Variants in KIAA1328 observed in about 807,000 individuals in gnomAD.
KIAA1328 encodes the protein protein hinderin.
Under a neutral mutation model 68.1 loss-of-function variants are expected in KIAA1328, and 52 were observed. That is an observed-to-expected ratio of 0.76 (90% confidence interval 0.61 to 0.96). KIAA1328 has a LOEUF of 0.96. KIAA1328 is among the 40% of genes least tolerant of loss of function. The probability of loss-of-function intolerance (pLI) is 0.00; values close to 1 mark genes in which losing one functional copy is unlikely to be tolerated. For synonymous variants in KIAA1328, 232 were observed against 239.4 expected (o/e 0.97, Z 0.28); for missense variants, 641 against 677.6 (o/e 0.95, Z 0.60).
intron 7 of KIAA1328, among the ~76,000 whole-genome samples, chr18:37,089,952 T>A (rs2057222117): frequency 6.6e-6 from 1 of 152,352 alleles, no homozygotes; most frequent in South Asian, 2.1e-4. Flanking sequence ...GATAATTATC[T>A]TCCAATGGTT....
chr18:37,223,795 T>A lies in KIAA1328; in HGVS notation c.*1568T>A. ...TGTCTCTTCAGGCTGAGACTGGCGC[T>A]GTCACCTCCACCCAGCCTTCTTTCA... is the stretch of plus-strand genomic sequence containing the variant. On this transcript the variant is annotated 3_prime_UTR_variant, in exon 10 of 10. Transcript: ENST00000280020. 1.0e-6 allele frequency: 1 copy of A among 985,408 alleles called. No homozygotes were observed. The highest frequency in any genetic ancestry group is 1.2e-6 in the Non-Finnish European group (1 of 829,906). The allele number at this position is 985,408 out of a possible 1,614,324, so 61.0% of individuals were successfully genotyped here.
At chr18:36,910,173 G>A (rs546992520) in intron 5 of KIAA1328, among the ~76,000 whole-genome samples, 3 of 152,170 alleles carry the variant, frequency 2.0e-5, no homozygotes, top group Admixed American at 2.0e-4. Flanking sequence ...TGCTTTTGGT[G>A]TTTTCGACAT....
At chr18:37,069,165 A>T (rs564665524) in intron 7 of KIAA1328, among the ~76,000 whole-genome samples, 2 of 152,266 alleles carry the variant, frequency 1.3e-5, no homozygotes, top group East Asian at 3.9e-4. Flanking sequence ...CCAGCCTTGC[A>T]TCCCTGAAAT....
chr18:37,075,955 A>G (rs1407514840), intron 7 of KIAA1328, among the ~76,000 whole-genome samples: 3 of 152,286 alleles, frequency 2.0e-5, no homozygotes, highest in Non-Finnish European at 4.4e-5. Context: ...ATACCCAGGA[A>G]TTGAACTCAG....
rs1040172778 is a variant in KIAA1328, at chr18:37,222,598, C to A, written c.*371C>A. 1.9e-6 allele frequency: 2 copies of A among 1,045,270 alleles called. No individual in the cohort carries two copies. The highest frequency in any genetic ancestry group is 1.7e-5 in the African/African-American group (1 of 58,342). The allele number at this position is 1,045,270 out of a possible 1,614,324, so 64.7% of individuals were successfully genotyped here. ...GACTCACTTTTATATACAAGAAAAACCTTTCCACTGAAAAATCCCTCTGAT... is the reference window on the plus strand; with the variant it reads ...GACTCACTTTTATATACAAGAAAAAACTTTCCACTGAAAAATCCCTCTGAT... On this transcript the variant is annotated 3_prime_UTR_variant, in exon 10 of 10. Coordinates refer to ENST00000280020, the MANE Select transcript of KIAA1328 (RefSeq NM_020776.3).
rs191634008 is a variant in KIAA1328 at position 36,955,490 on chromosome 18, A to G, written c.449-3818A>G. 4.7e-4 allele frequency among the ~76,000 whole-genome samples: 71 copies of G among 151,712 alleles called. No homozygotes were observed. The East Asian group carries it at 0.014, about 29-fold the overall frequency. ...ACAGCCAGCTAATTTTTGTATTTTT[A>G]GTAGAGATGGGGTTTCACCATGTTG... On this transcript the variant is annotated intron_variant, in intron 5 of 9. Transcript: ENST00000280020.
rs1223526197 is a variant in KIAA1328, at chr18:37,052,898, C to T, written c.577-13992C>T. On this transcript the variant is annotated intron_variant, in intron 6 of 9. Transcript: ENST00000280020. The stretch of plus-strand genomic sequence containing the variant: ...GCTCATTAATGGGAAGAATCAATAT[C>T]ATTAAAATGACCATACTGCCCAAAT... 2.6e-5 allele frequency among the ~76,000 whole-genome samples: 4 copies of T among 152,104 alleles called. No homozygotes were observed. The East Asian group carries it at 7.7e-4, about 29-fold the overall frequency.
chr18:36,933,333 T>A (rs1009809608), intron 5 of KIAA1328, among the ~76,000 whole-genome samples: 15 of 152,328 alleles, frequency 9.8e-5, no homozygotes, highest in African/African-American at 3.4e-4. Flanking sequence ...TCACCAGATC[T>A]GCTCCCGGGC....
At chr18:37,016,954 G>A (rs1320392151) in intron 6 of KIAA1328, among the ~76,000 whole-genome samples, 1 of 151,830 alleles carries the variant, frequency 6.6e-6, no homozygotes, top group Non-Finnish European at 1.5e-5. Context: ...GGATTTTTGG[G>A]CCTCAATTTC....
chr18:36,986,117 A>G (rs2052912988), intron 6 of KIAA1328, among the ~76,000 whole-genome samples: 1 of 152,102 alleles, frequency 6.6e-6, no homozygotes, highest in Non-Finnish European at 1.5e-5. Context: ...GTATTTACTC[A>G]AGAGAAGTGA....
intron 5 of KIAA1328, among the ~76,000 whole-genome samples, chr18:36,910,931 C>T (rs760286166): frequency 2.6e-5 from 4 of 152,036 alleles, no homozygotes; most frequent in Non-Finnish European, 4.4e-5. Context: ...GAGTCTGAAA[C>T]TAATCCACCT....
At chr18:36,948,261 G>GTTTTTTTTTT (rs1167822236) in intron 5 of KIAA1328, among the ~76,000 whole-genome samples, 2 of 115,768 alleles carry the variant, frequency 1.7e-5, no homozygotes, top group Admixed American at 9.4e-5. Flanking sequence ...TTTGTCTTTT[G>GTTTTTTTTTT]TTTTTTTTTT....
At chr18:36,835,482 A>G in intron 3 of KIAA1328, 106 bp downstream of exon 3, 1 of 1,074,848 alleles carries the variant, frequency 9.3e-7, no homozygotes, top group Non-Finnish European at 1.3e-6. Context: ...ATCAACAAAC[A>G]TTCTTAAAAG....
intron 5 of KIAA1328, among the ~76,000 whole-genome samples, chr18:36,909,782 A>C (rs547397468): frequency 8.7e-4 from 132 of 151,898 alleles, no homozygotes; most frequent in Non-Finnish European, 1.6e-3. Context: ...TTCTTCACAT[A>C]CTCTCCAGCA....
At chr18:36,941,658 A>T (rs2050717593) in intron 5 of KIAA1328, among the ~76,000 whole-genome samples, 3 of 152,168 alleles carry the variant, frequency 2.0e-5, no homozygotes, top group Admixed American at 2.0e-4. Flanking sequence ...AAAGTCAGTA[A>T]TACTCTCATG....
chr18:37,180,806 T>G (rs1464389179), intron 9 of KIAA1328, among the ~76,000 whole-genome samples: 3 of 152,166 alleles, frequency 2.0e-5, no homozygotes, highest in African/African-American at 7.2e-5. Flanking sequence ...GGGGTTTTCA[T>G]AGTAGGTTTG....
chr18:36,932,816 T>C (rs912275152), intron 5 of KIAA1328, among the ~76,000 whole-genome samples: 1 of 152,228 alleles, frequency 6.6e-6, no homozygotes, highest in East Asian at 1.9e-4. Flanking sequence ...CTATCACTTC[T>C]CCATAGGCAT....
intron 9 of KIAA1328, among the ~76,000 whole-genome samples, chr18:37,190,238 A>G (rs1048345001): frequency 3.3e-5 from 5 of 152,158 alleles, no homozygotes; most frequent in Non-Finnish European, 5.9e-5. Flanking sequence ...GAGAATGTAC[A>G]TGTTTCTCTC....
At chr18:36,958,838 G>A (rs2051533021) in intron 5 of KIAA1328, among the ~76,000 whole-genome samples, 1 of 151,688 alleles carries the variant, frequency 6.6e-6, no homozygotes, top group Admixed American at 6.6e-5. Context: ...ACATTTCGAA[G>A]TCTAATTTGT....
Sources: allele counts gnomAD v4.1 joint callset (sites outside exome capture counted in the v4.1 genomes callset), GRCh38; gene constraint gnomAD v4.1.1; transcripts MANE v1.5; gene names NCBI Gene and HGNC (gene_info 2026-07-23, HGNC 2026-07-21).